The following WWC1 variants were observed in gnomAD, a reference collection of about 807,000 sequenced individuals.
The protein encoded by WWC1 is WW and C2 domain containing 1, also known as protein KIBRA.
Under a neutral mutation model 138.4 loss-of-function variants are expected in WWC1, and 55 were observed. That is an observed-to-expected ratio of 0.40 (90% CI 0.32 to 0.50). The LOEUF is 0.50. Among genes scored for constraint, WWC1 ranks in the 20% least tolerant of loss-of-function variants. WWC1 has a pLI of 0.72. For synonymous variants in WWC1, 524 were observed against 564.9 expected (o/e 0.93, Z 1.03); for missense variants, 1,226 against 1,420.4 (o/e 0.86, Z 2.20).
At chr5:168,352,098 A>C (rs1775010540) in intron 1 of WWC1, among the ~76,000 whole-genome samples, 1 of 152,186 alleles carries the variant, frequency 6.6e-6, no homozygotes, top group African/African-American at 2.4e-5. Flanking sequence ...ATCCAATGAG[A>C]CAAGGCCTGG....
At chr5:168,397,517 C>T (rs145409685) in intron 3 of WWC1, among the ~76,000 whole-genome samples, 2 of 152,162 alleles carry the variant, frequency 1.3e-5, no homozygotes, top group East Asian at 3.9e-4. Flanking sequence ...TTTCCCTTGT[C>T]ATTCAATATT....
At chr5:168,448,327 CG>C (rs1430446544) in intron 17 of WWC1, among the ~76,000 whole-genome samples, 1 of 152,288 alleles carries the variant, frequency 6.6e-6, no homozygotes, top group East Asian at 1.9e-4. Context: ...ACCCAAAACC[CG>C]GCGTGTCACT....
intron 3 of WWC1, 50 bp downstream of exon 3, chr5:168,385,464 C>A: frequency 6.4e-7 from 1 of 1,574,152 alleles, no homozygotes. Context: ...CAGAGAATGG[C>A]CACACTGAGT....
chr5:168,323,238 C>A (rs1303929188), intron 1 of WWC1, among the ~76,000 whole-genome samples: 2 of 152,140 alleles, frequency 1.3e-5, no homozygotes, highest in East Asian at 3.9e-4. Flanking sequence ...AACATGCAGT[C>A]AGGGCAATAG....
rs1430666855 is a variant in WWC1, at chr5:168,371,422, A to G, written c.120-2A>G. The stretch of plus-strand genomic sequence containing the variant: ...GAGTCTGTTTCTCCTCTCCCTTGCC[A>G]GGTACACCAAACCGCTCACCTTTGC... On this transcript the variant is annotated splice_acceptor_variant, in intron 1 of 22. Transcript: ENST00000265293. LOFTEE classifies it high-confidence loss of function. The G allele has an allele frequency of 6.2e-7, 1 of 1,613,226 alleles. No individual in the cohort carries two copies. The highest frequency in any genetic ancestry group is 1.7e-5 in the Admixed American group (1 of 60,008).
chr5:168,399,291 C>A (rs1477104422), intron 4 of WWC1, among the ~76,000 whole-genome samples, 197 bp from the exon 5 acceptor site: 1 of 152,182 alleles, frequency 6.6e-6, no homozygotes, highest in African/African-American at 2.4e-5. Context: ...GGGATGCTGA[C>A]TGAATGGGCA....
In WWC1 at chr5:168,472,046, A is replaced by G. The variant is rs1330548008; in HGVS notation, c.*3029A>G. 6.6e-6 allele frequency: 1 copy of G among 152,262 alleles called. No homozygotes were observed. Among genetic ancestry groups the G allele is most frequent in the Non-Finnish European group, 1.5e-5 (1 of 68,064 alleles). The allele number at this position is 152,262 out of a possible 1,614,324, so 9.4% of individuals were successfully genotyped here. On this transcript the variant is annotated 3_prime_UTR_variant, in exon 23 of 23. Transcript: ENST00000265293. The stretch of plus-strand genomic sequence containing the variant: ...CCTGCAGCATCCGCTGCTATGAAGC[A>G]GAGCTGTAAACGCCCTCCCTGTGTA...
intron 1 of WWC1, among the ~76,000 whole-genome samples, chr5:168,348,454 A>G (rs946947579): frequency 6.6e-6 from 1 of 152,206 alleles, no homozygotes; most frequent in East Asian, 1.9e-4. Flanking sequence ...GGGAAGGGCC[A>G]CACATCATTG....
intron 2 of WWC1, among the ~76,000 whole-genome samples, chr5:168,378,787 T>G (rs977231780): frequency 6.6e-6 from 1 of 152,252 alleles, no homozygotes; most frequent in African/African-American, 2.4e-5. Flanking sequence ...AGGTTTAAAC[T>G]CTTACTTCAT....
At chr5:168,362,010 G>C (rs1775915890) in intron 1 of WWC1, among the ~76,000 whole-genome samples, 1 of 152,188 alleles carries the variant, frequency 6.6e-6, no homozygotes, top group South Asian at 2.1e-4. Context: ...TTGAACCCGG[G>C]AGGCAGAGGT....
intron 1 of WWC1, among the ~76,000 whole-genome samples, chr5:168,355,790 G>T (rs922036222): frequency 6.6e-6 from 1 of 152,084 alleles, no homozygotes; most frequent in African/African-American, 2.4e-5. Flanking sequence ...TTATTATGGG[G>T]GTGGGTAAGG....
At chr5:168,393,807 C>T (rs139411658) in intron 3 of WWC1, among the ~76,000 whole-genome samples, 1 of 152,158 alleles carries the variant, frequency 6.6e-6, no homozygotes, top group Non-Finnish European at 1.5e-5. Context: ...AAATAGAAAA[C>T]TCACCAGATT....
At chr5:168,333,419 C>G (rs1197176811) in intron 1 of WWC1, among the ~76,000 whole-genome samples, 1 of 152,178 alleles carries the variant, frequency 6.6e-6, no homozygotes, top group African/African-American at 2.4e-5. Context: ...AATCCTTGAC[C>G]GTCTCTTCAT....
At chr5:168,365,908 C>A (rs1183713920) in intron 1 of WWC1, among the ~76,000 whole-genome samples, 1 of 152,224 alleles carries the variant, frequency 6.6e-6, no homozygotes, top group Non-Finnish European at 1.5e-5. Context: ...GGGTTTTCGG[C>A]AGCCCGAGTT....
At chr5:168,456,698 ATT>A (rs10680508) in intron 19 of WWC1, among the ~76,000 whole-genome samples, 1 of 146,776 alleles carries the variant, frequency 6.8e-6, no homozygotes, top group Non-Finnish European at 1.5e-5. Flanking sequence ...TGCTCCGCCA[ATT>A]TTTTTTTTTT....
intron 11 of WWC1, among the ~76,000 whole-genome samples, chr5:168,426,597 C>CA (rs1158764144): frequency 1.3e-5 from 2 of 152,204 alleles, no homozygotes; most frequent in African/African-American, 2.4e-5. Context: ...AATTAATCTC[C>CA]TTAAGTGGTT....
In WWC1 at chr5:168,460,534, C is replaced by A. The variant is rs1471030767; in HGVS notation, c.2824-116C>A. 11 of 896,188 alleles carry A rather than the reference C, an allele frequency of 1.2e-5. No individual in the cohort carries two copies. In the East Asian group the frequency reaches 2.4e-4, roughly 19 times the overall value. The allele number at this position is 896,188 out of a possible 1,614,324, so 55.5% of individuals were successfully genotyped here. A position where few individuals can be genotyped will look rare whatever the true frequency, so the allele number is the denominator to read the frequency against. On this transcript the variant is annotated intron_variant, in intron 19 of 22. Coordinates refer to ENST00000265293, the MANE Select transcript of WWC1 (RefSeq NM_015238.3). ...GGTCAGAATGAAACCTGGGTGTTTGCAGAAGGAGAGGAAGGACTGTGCCGA... is the reference window on the plus strand; with the variant it reads ...GGTCAGAATGAAACCTGGGTGTTTGAAGAAGGAGAGGAAGGACTGTGCCGA...
At chr5:168,438,461 A>C (rs957216585) in intron 15 of WWC1, among the ~76,000 whole-genome samples, 1 of 152,160 alleles carries the variant, frequency 6.6e-6, no homozygotes, top group Non-Finnish European at 1.5e-5. Context: ...TGCCATGATT[A>C]TAAGTTTCCT....
intron 1 of WWC1, among the ~76,000 whole-genome samples, chr5:168,307,368 C>CTA (rs1770668413): frequency 6.6e-6 from 1 of 152,180 alleles, no homozygotes; most frequent in Admixed American, 6.5e-5. Context: ...ACTAGAGCGT[C>CTA]TTTCACTGCT....
Sources: gnomAD v4.1 joint callset for allele counts (sites outside exome capture counted in the v4.1 genomes callset) on GRCh38, gnomAD v4.1.1 for gene constraint, MANE v1.5 for transcripts, NCBI Gene and HGNC (gene_info 2026-07-23, HGNC 2026-07-21) for gene names.